The following CPAP variants were observed in gnomAD, a reference collection of about 807,000 sequenced individuals.
The protein encoded by CPAP is centrosomal P4.1-associated protein.
the CPAP span, among the ~76,000 whole-genome samples, chr13:24,884,815 A>T: frequency 1.3e-4 from 20 of 152,328 alleles, no homozygotes; most frequent in African/African-American, 4.8e-4. Context: ...ATAGAAATGG[A>T]CCAGATTAGG....
At chr13:24,931,822 T>C in the CPAP span, among the ~76,000 whole-genome samples, 1 of 152,248 alleles carries the variant, frequency 6.6e-6, no homozygotes, top group African/African-American at 2.4e-5. Context: ...TTTCCCGCCC[T>C]TGCGAATCCC....
At chr13:24,933,708 CAGTTA>C in the CPAP span, among the ~76,000 whole-genome samples, 1 of 152,030 alleles carries the variant, frequency 6.6e-6, no homozygotes, top group East Asian at 1.9e-4. Context: ...ATCTTGGAAA[CAGTTA>C]AGTCTAACCT....
At chr13:24,892,901 T>C in the CPAP span, 1 of 1,369,988 alleles carries the variant, frequency 7.3e-7, no homozygotes, top group African/African-American at 1.4e-5. Context: ...GAAAAAACCA[T>C]TACTACATTA....
chr13:24,911,338 G>A, the CPAP span, among the ~76,000 whole-genome samples: 4 of 152,198 alleles, frequency 2.6e-5, no homozygotes, highest in African/African-American at 4.8e-5. Flanking sequence ...TGATTGGCAC[G>A]TGACGCTTTC....
At chr13:24,925,051 C>A in the CPAP span, among the ~76,000 whole-genome samples, 2 of 152,210 alleles carry the variant, frequency 1.3e-5, no homozygotes, top group African/African-American at 2.4e-5. Flanking sequence ...TCTTGTCTAC[C>A]AAAGCCTAGC....
At chr13:24,905,477 G>A in the CPAP span, 1 of 1,614,112 alleles carries the variant, frequency 6.2e-7, no homozygotes, top group Non-Finnish European at 8.5e-7. Context: ...GCTCCTCCTG[G>A]ACTTGCTCAA....
At chr13:24,913,394 T>TA in the CPAP span, among the ~76,000 whole-genome samples, 1,923 of 146,152 alleles carry the variant, frequency 0.013, 41 homozygotes, top group African/African-American at 0.038. Flanking sequence ...GTTATTCACT[T>TA]AAAAAAAAAA....
At chr13:24,885,427 T>TA in the CPAP span, 1 of 1,400,970 alleles carries the variant, frequency 7.1e-7, no homozygotes. Context: ...AACCTACTCT[T>TA]ACTTCCAAAG....
the CPAP span, chr13:24,885,566 G>T: frequency 7.0e-7 from 1 of 1,427,570 alleles, no homozygotes; most frequent in Non-Finnish European, 9.9e-7. Context: ...TCAAGCCTAA[G>T]TAATGTATGT....
chr13:24,922,824 A>T, the CPAP span: 1 of 152,556 alleles, frequency 6.6e-6, no homozygotes, highest in Non-Finnish European at 1.5e-5. Flanking sequence ...CAGCATTTAC[A>T]AATGGGCCGC....
chr13:24,906,060 A>C, the CPAP span: 5 of 1,613,870 alleles, frequency 3.1e-6, no homozygotes, highest in Non-Finnish European at 4.2e-6. Flanking sequence ...GAGGACAATG[A>C]ATGAAGTTGT....
chr13:24,886,045 T>G, the CPAP span: 9 of 367,234 alleles, frequency 2.5e-5, no homozygotes, highest in Non-Finnish European at 3.7e-5. Context: ...ATAAATGCCC[T>G]TGTGGCTATG....
chr13:24,909,365 A>T, the CPAP span, among the ~76,000 whole-genome samples: 1 of 152,060 alleles, frequency 6.6e-6, no homozygotes, highest in African/African-American at 2.4e-5. Flanking sequence ...CATCTCTACT[A>T]AAAATACACA....
chr13:24,883,034 G>T, the CPAP span: 1 of 705,678 alleles, frequency 1.4e-6, no homozygotes, highest in Non-Finnish European at 2.5e-6. Flanking sequence ...ATATAAAAAT[G>T]AAGATGCCAC....
the CPAP span, among the ~76,000 whole-genome samples, chr13:24,904,532 CT>C: frequency 1.3e-5 from 2 of 152,004 alleles, no homozygotes; most frequent in Admixed American, 1.3e-4. Flanking sequence ...TCAATTAGTA[CT>C]TTTTTAGAAA....
At chr13:24,883,821 T>C in the CPAP span, 36 of 881,714 alleles carry the variant, frequency 4.1e-5, no homozygotes, top group African/African-American at 4.6e-4. Context: ...TTGACTGACA[T>C]GCCTGTGGGA....
chr13:24,933,388 G>C, the CPAP span: 2 of 325,338 alleles, frequency 6.1e-6, no homozygotes, highest in Non-Finnish European at 1.1e-5. Flanking sequence ...GATATTACTA[G>C]AGCACAGCCA....
chr13:24,921,816 C>T, the CPAP span, among the ~76,000 whole-genome samples: 1 of 152,132 alleles, frequency 6.6e-6, no homozygotes, highest in African/African-American at 2.4e-5. Flanking sequence ...ACTTTTGCAT[C>T]TCCTCCTCCA....
the CPAP span, among the ~76,000 whole-genome samples, chr13:24,896,811 C>G: frequency 6.6e-6 from 1 of 152,286 alleles, no homozygotes; most frequent in East Asian, 1.9e-4. Flanking sequence ...GCAAGGTTAT[C>G]TCTAATCCTA....
Sources: gnomAD v4.1 joint callset for allele counts (sites outside exome capture counted in the v4.1 genomes callset) on GRCh38, gnomAD v4.1.1 for gene constraint, MANE v1.5 for transcripts, NCBI Gene and HGNC (gene_info 2026-07-23, HGNC 2026-07-21) for gene names.